The following GALNTL6 variants were observed in gnomAD, a reference collection of about 807,000 sequenced individuals.
The protein encoded by GALNTL6 is polypeptide N-acetylgalactosaminyltransferase like 6, also known as polypeptide N-acetylgalactosaminyltransferase-like 6.
GALNTL6 carries 46 observed loss-of-function variants against 73.7 expected under a neutral mutation model. The observed-to-expected ratio is 0.62, with a 90% CI of 0.49 to 0.80. The LOEUF (loss-of-function observed/expected upper bound fraction) is 0.80. Among genes scored for constraint, GALNTL6 ranks in the 30% least tolerant of loss-of-function variants. The pLI is 0.00. For synonymous variants in GALNTL6, 259 were observed against 263.7 expected (o/e 0.98, Z 0.17); for missense variants, 604 against 755.0 (o/e 0.80, Z 2.34).
intron 2 of GALNTL6, among the ~76,000 whole-genome samples, chr4:171,883,765 A>T (rs1736527868): frequency 6.6e-6 from 1 of 151,360 alleles, no homozygotes; most frequent in African/African-American, 2.4e-5. Context: ...CTCCTGCCTC[A>T]GCCTCCCGAG....
At chr4:172,479,873 A>G (rs1733380644) in intron 5 of GALNTL6, among the ~76,000 whole-genome samples, 1 of 152,222 alleles carries the variant, frequency 6.6e-6, no homozygotes. Context: ...AGCTCCATAG[A>G]GTTTGATAAA....
intron 2 of GALNTL6, among the ~76,000 whole-genome samples, chr4:172,217,011 A>G (rs1017115970): frequency 6.6e-6 from 1 of 152,180 alleles, no homozygotes; most frequent in Admixed American, 6.5e-5. Flanking sequence ...TGGGGTCCAT[A>G]GAAAGGAAAT....
intron 3 of GALNTL6, among the ~76,000 whole-genome samples, chr4:172,290,171 T>G (rs947524913): frequency 1.3e-5 from 2 of 152,158 alleles, no homozygotes; most frequent in East Asian, 3.9e-4. Context: ...CTGAAGAGAG[T>G]AATTTTAATG....
At chr4:172,512,985 G>A (rs993220709) in intron 5 of GALNTL6, among the ~76,000 whole-genome samples, 2 of 151,918 alleles carry the variant, frequency 1.3e-5, no homozygotes, top group Non-Finnish European at 2.9e-5. Context: ...TCTTGTATTT[G>A]GATGCCTAAA....
In GALNTL6 at chr4:172,843,634, A is replaced by G. The variant is rs185327748; in HGVS notation, c.923+29911A>G. Among the ~76,000 whole-genome samples the G allele has an allele frequency of 6.8e-4, 104 of 152,350 alleles. 1 individual carries two copies. Among genetic ancestry groups the G allele is most frequent in the African/African-American group, 2.4e-3 (99 of 41,582 alleles). ...TTGGCTTTCTCGGGAGAGTTAAAAC[A>G]AAGAAATCACAATGGCAGGAGGCTT... On this transcript the variant is annotated intron_variant, in intron 7 of 12. Transcript: ENST00000506823.
intron 7 of GALNTL6, among the ~76,000 whole-genome samples, chr4:172,820,555 A>G (rs1741866617): frequency 6.6e-6 from 1 of 152,226 alleles, no homozygotes; most frequent in Admixed American, 6.5e-5. Context: ...ATATAAGCTT[A>G]GAAGGATAAC....
At chr4:172,814,137 G>A (rs1307963694) in intron 7 of GALNTL6, among the ~76,000 whole-genome samples, 1 of 152,058 alleles carries the variant, frequency 6.6e-6, no homozygotes, top group Non-Finnish European at 1.5e-5. Flanking sequence ...CAGTGTTTAA[G>A]CCTACTTTCT....
intron 12 of GALNTL6, among the ~76,000 whole-genome samples, chr4:173,035,353 T>G (rs1435095879): frequency 2.0e-5 from 3 of 150,608 alleles, no homozygotes; most frequent in East Asian, 3.9e-4. Context: ...TAATTTTGTA[T>G]TTTTAGTACA....
At chr4:172,882,448 T>C (rs1410974219) in intron 7 of GALNTL6, among the ~76,000 whole-genome samples, 1 of 152,152 alleles carries the variant, frequency 6.6e-6, no homozygotes, top group African/African-American at 2.4e-5. Flanking sequence ...AACCATAAAA[T>C]TGAGTGATAT....
At chr4:172,863,930 T>A (rs888845096) in intron 7 of GALNTL6, among the ~76,000 whole-genome samples, 1 of 152,180 alleles carries the variant, frequency 6.6e-6, no homozygotes, top group Non-Finnish European at 1.5e-5. Context: ...AATTGAATCA[T>A]GGTAGTGGGC....
chr4:172,166,808 T>C (rs1175206643), intron 2 of GALNTL6, among the ~76,000 whole-genome samples: 5 of 152,202 alleles, frequency 3.3e-5, no homozygotes, highest in Non-Finnish European at 7.3e-5. Flanking sequence ...TACATTAATT[T>C]TTTACATTTG....
At chr4:171,898,336 T>A (rs1736986923) in intron 2 of GALNTL6, among the ~76,000 whole-genome samples, 1 of 152,194 alleles carries the variant, frequency 6.6e-6, no homozygotes, top group Non-Finnish European at 1.5e-5. Flanking sequence ...AGCATGCGAT[T>A]CAACAATCTT....
chr4:171,904,661 C>T (rs1464527805), intron 2 of GALNTL6, among the ~76,000 whole-genome samples: 1 of 151,994 alleles, frequency 6.6e-6, no homozygotes, highest in African/African-American at 2.4e-5. Flanking sequence ...AAGATACTCC[C>T]TGAGAAGAGC....
intron 5 of GALNTL6, among the ~76,000 whole-genome samples, chr4:172,497,241 A>G (rs1579129829): frequency 6.6e-6 from 1 of 152,236 alleles, no homozygotes; most frequent in African/African-American, 2.4e-5. Flanking sequence ...ATTGAATTCA[A>G]TGAAGAGTAA....
intron 5 of GALNTL6, among the ~76,000 whole-genome samples, chr4:172,535,370 G>T (rs1735312970): frequency 6.6e-6 from 1 of 152,120 alleles, no homozygotes; most frequent in African/African-American, 2.4e-5. Context: ...CAAAATTTCT[G>T]CAATAAATAA....
chr4:171,865,631 T>G (rs1335545743), intron 2 of GALNTL6, among the ~76,000 whole-genome samples: 3 of 152,180 alleles, frequency 2.0e-5, no homozygotes, highest in African/African-American at 7.2e-5. Flanking sequence ...AAAGCAGAAA[T>G]GGAAGGATCC....
chr4:172,318,504 C>T (rs1374616375), intron 4 of GALNTL6, among the ~76,000 whole-genome samples: 1 of 152,006 alleles, frequency 6.6e-6, no homozygotes, highest in Non-Finnish European at 1.5e-5. Context: ...GGTTCGAGAC[C>T]AGCCTGGCCA....
intron 5 of GALNTL6, among the ~76,000 whole-genome samples, chr4:172,778,855 C>T (rs1278864045): frequency 6.6e-6 from 1 of 152,178 alleles, no homozygotes; most frequent in Non-Finnish European, 1.5e-5. Flanking sequence ...TTCGGAAAGT[C>T]GTATAAGCCT....
At chr4:172,315,560 T>C (rs1417371721) in intron 4 of GALNTL6, among the ~76,000 whole-genome samples, 1 of 152,198 alleles carries the variant, frequency 6.6e-6, no homozygotes. Flanking sequence ...CCTGGTTGAT[T>C]TTTATATATT....
Sources: gnomAD v4.1 joint callset for allele counts (sites outside exome capture counted in the v4.1 genomes callset) on GRCh38, gnomAD v4.1.1 for gene constraint, MANE v1.5 for transcripts, NCBI Gene and HGNC (gene_info 2026-07-23, HGNC 2026-07-21) for gene names.